The following ABCA13 variants were observed in gnomAD, a reference collection of about 807,000 sequenced individuals.
ABCA13 encodes the protein ATP binding cassette subfamily A member 13, also known as ATP-binding cassette sub-family A member 13.
In ABCA13, 476 loss-of-function variants were observed where a neutral mutation model predicts 478.7. That is an observed-to-expected ratio of 0.99 (90% CI 0.92 to 1.07). The LOEUF (loss-of-function observed/expected upper bound fraction) is 1.07, where lower values mean the gene tolerates loss of function less well. Ranked by LOEUF, ABCA13 falls within the 50% of genes least tolerant of loss-of-function variation. The pLI is 0.00. For missense variants in ABCA13, 6,060 were observed against 5,910.6 expected, an observed-to-expected ratio of 1.03 and a Z score of -0.83; for synonymous variants, 2,252 against 2,158.9, an observed-to-expected ratio of 1.04 and a Z score of -1.20.
chr7:48,310,495 C>A (rs1221227045), intron 24 of ABCA13, among the ~76,000 whole-genome samples: 1 of 152,158 alleles, frequency 6.6e-6, no homozygotes, highest in Non-Finnish European at 1.5e-5. Flanking sequence ...AGGGCCACCT[C>A]CCTGGAGCAT....
intron 3 of ABCA13, among the ~76,000 whole-genome samples, chr7:48,206,754 T>C (rs1784979678): frequency 6.6e-6 from 1 of 151,858 alleles, no homozygotes; most frequent in Non-Finnish European, 1.5e-5. Flanking sequence ...GTAATCAGGA[T>C]ATCCATCATC....
Position 48,272,724 on chromosome 7 carries a change from G to C in ABCA13, c.3058G>C (p.Val1020Leu). 3 of 1,610,772 alleles carry C rather than the reference G, an allele frequency of 1.9e-6. No homozygotes were observed. The highest frequency in any genetic ancestry group is 1.7e-4 in the Middle Eastern group (1 of 6,060). The stretch of plus-strand genomic sequence containing the variant: ...TGCATTTTTATTTAAGACAGCAGAG[G>C]TTCTTGGGGGAATTTCTAATGTATC... ...AFAFLFKTAEVLGGISNVSYC... is the reference protein window; with the variant it reads ...AFAFLFKTAELLGGISNVSYC... The change falls in exon 17 of 62, where the codon GTT becomes CTT. Residue 1020 changes from valine to leucine, a missense_variant. Physicochemically the swap from Val to Leu is conservative, Grantham distance 32. This residue lies in a region of ABCA13 where 4,423 missense variants were observed against 4,309.1 expected (regional missense o/e 1.03). Coordinates refer to ENST00000435803, the MANE Select transcript of ABCA13 (RefSeq NM_152701.5).
intron 48 of ABCA13, among the ~76,000 whole-genome samples, chr7:48,499,187 GAA>G (rs1830522479): frequency 6.6e-6 from 1 of 152,104 alleles, no homozygotes; most frequent in Non-Finnish European, 1.5e-5. Context: ...GATTGATGAG[GAA>G]GAGAGAGAGA....
At chr7:48,420,260 C>G (rs1820570364) in intron 41 of ABCA13, among the ~76,000 whole-genome samples, 1 of 152,164 alleles carries the variant, frequency 6.6e-6, no homozygotes, top group South Asian at 2.1e-4. Flanking sequence ...TACCTACAAG[C>G]TAGTGAAATT....
intron 3 of ABCA13, among the ~76,000 whole-genome samples, chr7:48,205,099 T>A (rs1468139471): frequency 6.6e-6 from 1 of 152,240 alleles, no homozygotes; most frequent in African/African-American, 2.4e-5. Flanking sequence ...AATTATGTGC[T>A]TTTTGCTAGG....
chr7:48,367,397 C>A (rs1811844353), intron 31 of ABCA13, among the ~76,000 whole-genome samples: 1 of 152,106 alleles, frequency 6.6e-6, no homozygotes, highest in Non-Finnish European at 1.5e-5. Flanking sequence ...CCAATTTTCA[C>A]GTATTTTGTA....
intron 28 of ABCA13, 34 bp from the exon 29 acceptor site, chr7:48,338,331 A>G (rs1213563114): frequency 6.9e-7 from 1 of 1,440,964 alleles, no homozygotes; most frequent in Non-Finnish European, 9.5e-7. Flanking sequence ...AAATAATGCA[A>G]TTATTTTTAT....
intron 56 of ABCA13, among the ~76,000 whole-genome samples, chr7:48,582,114 A>G (rs1400155752): frequency 6.6e-6 from 1 of 152,238 alleles, no homozygotes; most frequent in Non-Finnish European, 1.5e-5. Context: ...ATTGAGACAC[A>G]GAGACACAGG....
intron 28 of ABCA13, among the ~76,000 whole-genome samples, chr7:48,336,831 A>G (rs1364042078): frequency 6.6e-6 from 1 of 152,278 alleles, no homozygotes; most frequent in Non-Finnish European, 1.5e-5. Context: ...TAATACAGAC[A>G]TCAGCAAACC....
intron 9 of ABCA13, among the ~76,000 whole-genome samples, chr7:48,240,546 A>G (rs1273219654): frequency 2.0e-5 from 3 of 152,176 alleles, no homozygotes; most frequent in Non-Finnish European, 2.9e-5. Flanking sequence ...GCTATCCTAA[A>G]TATGTTCGTT....
intron 39 of ABCA13, among the ~76,000 whole-genome samples, chr7:48,407,492 G>A (rs1818418456): frequency 6.6e-6 from 1 of 151,092 alleles, no homozygotes; most frequent in African/African-American, 2.4e-5. Context: ...AAAATTTTCA[G>A]GGAAAGAAAG....
rs561708520 is a variant in ABCA13 at position 48,214,378 on chromosome 7, C to T, written c.288-4976C>T. On this transcript the variant is annotated intron_variant, in intron 3 of 61. Coordinates refer to ENST00000435803, the MANE Select transcript of ABCA13 (RefSeq NM_152701.5). ...GGATTTTTGGAATGGTAAATAAACA[C>T]TGGCTTCAACTTAAGGTCACCAGCT... Among the ~76,000 whole-genome samples the T allele has an allele frequency of 3.2e-4, 49 of 152,280 alleles. 1 individual carries two copies. The highest frequency in any genetic ancestry group is 3.9e-4 in the Admixed American group (6 of 15,294).
At chr7:48,395,239 A>T (rs1816680657) in intron 38 of ABCA13, among the ~76,000 whole-genome samples, 1 of 152,140 alleles carries the variant, frequency 6.6e-6, no homozygotes, top group South Asian at 2.1e-4. Flanking sequence ...CTCCAGTTGC[A>T]GGTGGAGGAT....
chr7:48,188,483 T>G (rs1306284341), intron 1 of ABCA13, among the ~76,000 whole-genome samples: 1 of 152,192 alleles, frequency 6.6e-6, no homozygotes, highest in African/African-American at 2.4e-5. Flanking sequence ...GAGGGGACAT[T>G]GTTATGGCTT....
intron 41 of ABCA13, among the ~76,000 whole-genome samples, chr7:48,418,803 T>G (rs1034963015): frequency 5.3e-5 from 8 of 152,276 alleles, no homozygotes; most frequent in African/African-American, 1.7e-4. Context: ...GTCTATATTT[T>G]AATGTTACAG....
At position 48,587,215 on chromosome 7, in the gene ABCA13, C is replaced by T. The variant is rs769413251; in HGVS notation, c.14567C>T (p.Thr4856Ile). The change falls in exon 57 of 62, where the codon ACC becomes ATC. Residue 4856 changes from threonine to isoleucine, a missense_variant. Physicochemically the swap from Thr to Ile is moderately conservative, Grantham distance 89. This residue lies in a region of ABCA13 where 1,627 missense variants were observed against 1,571.0 expected (regional missense o/e 1.04). Transcript: ENST00000435803. ...GCCCACGCGGACAAACCTGTGGCCACCTACAGTGGGGGAACCAAGCGGAAA... is the reference window on the plus strand; with the variant it reads ...GCCCACGCGGACAAACCTGTGGCCATCTACAGTGGGGGAACCAAGCGGAAA... The part of the protein sequence containing the change: ...LEAHADKPVA[T>I]YSGGTKRKLS... The T allele has an allele frequency of 8.7e-6, 14 of 1,612,932 alleles. No individual in the cohort carries two copies. The highest frequency in any genetic ancestry group is 1.7e-4 in the Middle Eastern group (1 of 6,058).
rs184494720 is a variant in ABCA13, at chr7:48,408,246, C to T, written c.12071-2274C>T. On this transcript the variant is annotated intron_variant, in intron 39 of 61. Transcript: ENST00000435803. ...TCCCTCCTTCTCCTCCCTCCCTGCT[C>T]CCTGCCCCGCCAGCTCCTGGCAACA... Among the ~76,000 whole-genome samples the T allele has an allele frequency of 2.0e-3, 306 of 152,332 alleles. 1 individual carries two copies. Among genetic ancestry groups the T allele is most frequent in the Admixed American group, 3.9e-3 (60 of 15,302 alleles).
intron 3 of ABCA13, among the ~76,000 whole-genome samples, chr7:48,211,983 A>T (rs555971834): frequency 6.6e-6 from 1 of 152,028 alleles, no homozygotes; most frequent in African/African-American, 2.4e-5. Context: ...CTGCAACTCC[A>T]CTGCCTTCAA....
intron 59 of ABCA13, among the ~76,000 whole-genome samples, chr7:48,616,073 T>A (rs1327704138): frequency 8.2e-6 from 1 of 122,478 alleles, no homozygotes; most frequent in East Asian, 2.3e-4. Context: ...GTTTAACCTG[T>A]CATTCTATGT....
Sources: allele counts gnomAD v4.1 joint callset (sites outside exome capture counted in the v4.1 genomes callset), GRCh38; gene constraint gnomAD v4.1.1; regional missense constraint gnomAD v4.1.1; transcripts MANE v1.5; gene names NCBI Gene and HGNC (gene_info 2026-07-23, HGNC 2026-07-21).